TEKTIP1: variants seen among roughly 807,000 people sequenced by gnomAD.
TEKTIP1 encodes tektin bundle-interacting protein 1.
chr19:3,542,346 G>A, the TEKTIP1 span: 11 of 985,298 alleles, frequency 1.1e-5, no homozygotes, highest in East Asian at 1.1e-4. Context: ...CGGGCTTTCC[G>A]TGCAGGGCAG....
the TEKTIP1 span, chr19:3,539,866 T>C: frequency 6.6e-6 from 1 of 152,454 alleles, no homozygotes; most frequent in Non-Finnish European, 1.5e-5. Flanking sequence ...ATACAGTGTC[T>C]ATTATCAATT....
At chr19:3,543,669 G>T in the TEKTIP1 span, 2 of 1,539,628 alleles carry the variant, frequency 1.3e-6, no homozygotes, top group African/African-American at 1.4e-5. Context: ...CCAATCCGGG[G>T]CAAGGAATAC....
chr19:3,541,697 A>G, the TEKTIP1 span: 1 of 985,274 alleles, frequency 1.0e-6, no homozygotes, highest in Non-Finnish European at 1.2e-6. Context: ...AACGGGGGTG[A>G]GTGCATGTAC....
chr19:3,541,777 G>A, the TEKTIP1 span: 1 of 985,336 alleles, frequency 1.0e-6, no homozygotes, highest in Non-Finnish European at 1.2e-6. Context: ...CAGCAGGGGT[G>A]AGGGGCTCAT....
At chr19:3,542,941 T>C in the TEKTIP1 span, 1 of 1,484,782 alleles carries the variant, frequency 6.7e-7, no homozygotes, top group Admixed American at 1.8e-5. Context: ...GCCAGGGCCC[T>C]TGTCCTCTCC....
the TEKTIP1 span, chr19:3,542,310 A>G: frequency 1.1e-5 from 11 of 985,416 alleles, no homozygotes; most frequent in Middle Eastern, 5.2e-4. Flanking sequence ...GGATTTAAGC[A>G]GAGTTCCTGC....
At chr19:3,543,049 T>C in the TEKTIP1 span, 1 of 1,603,800 alleles carries the variant, frequency 6.2e-7, no homozygotes, top group Non-Finnish European at 8.5e-7. Flanking sequence ...GGAGTCAGCC[T>C]CTCTCCTCAA....
chr19:3,541,573 G>A, the TEKTIP1 span: 14 of 787,130 alleles, frequency 1.8e-5, no homozygotes, highest in Non-Finnish European at 2.0e-5. Context: ...CGCCTGCCTC[G>A]GCCTCCCACA....
the TEKTIP1 span, chr19:3,542,572 C>G: frequency 2.5e-6 from 2 of 789,818 alleles, no homozygotes; most frequent in African/African-American, 3.7e-5. Context: ...TTCCTGGGTT[C>G]AAGCGATTCT....
chr19:3,539,250 C>G, the TEKTIP1 span: 1 of 1,549,262 alleles, frequency 6.5e-7, no homozygotes, highest in Non-Finnish European at 8.7e-7. Flanking sequence ...CTTCCCAGCA[C>G]CGCTGTACAG....
the TEKTIP1 span, chr19:3,542,261 GC>G: frequency 1.0e-6 from 1 of 985,378 alleles, no homozygotes; most frequent in Middle Eastern, 5.2e-4. Context: ...AACTGACCAG[GC>G]TACTCCCATG....
chr19:3,542,954 T>A, the TEKTIP1 span: 1 of 1,513,208 alleles, frequency 6.6e-7, no homozygotes, highest in Non-Finnish European at 9.0e-7. Flanking sequence ...TCCTCTCCCC[T>A]CCCTCTTCTC....
the TEKTIP1 span, chr19:3,543,080 G>T: frequency 6.3e-7 from 1 of 1,577,812 alleles, no homozygotes; most frequent in Middle Eastern, 1.7e-4. Flanking sequence ...TGGGGTGAGG[G>T]GTACAGGGCT....
the TEKTIP1 span, among the ~76,000 whole-genome samples, chr19:3,541,247 G>T: frequency 6.6e-6 from 1 of 150,732 alleles, no homozygotes; most frequent in African/African-American, 2.4e-5. Flanking sequence ...GAGGTAGGAG[G>T]ATCGCTTGAG....
chr19:3,543,347 G>A, the TEKTIP1 span: 3 of 1,549,420 alleles, frequency 1.9e-6, no homozygotes, highest in South Asian at 1.2e-5. Flanking sequence ...GTGGTACACA[G>A]GCCTGACCAA....
the TEKTIP1 span, chr19:3,543,180 G>A: frequency 3.9e-5 from 59 of 1,526,240 alleles, no homozygotes; most frequent in East Asian, 1.4e-3. Context: ...TCGCAAAGGG[G>A]TCAAAGCACT....
At chr19:3,543,365 G>A in the TEKTIP1 span, 167 of 1,549,174 alleles carry the variant, frequency 1.1e-4, no homozygotes, top group Middle Eastern at 7.3e-4. Flanking sequence ...CAACTCGGAC[G>A]CCTGGGAAGC....
the TEKTIP1 span, chr19:3,543,843 C>G: frequency 6.5e-7 from 1 of 1,536,200 alleles, no homozygotes; most frequent in Admixed American, 2.0e-5. Context: ...CAACAGGAAC[C>G]GGTACGGGGT....
At chr19:3,542,838 C>T in the TEKTIP1 span, 3 of 1,377,268 alleles carry the variant, frequency 2.2e-6, no homozygotes, top group Admixed American at 1.9e-5. Context: ...CAGACCACTT[C>T]TTCCTGGTGC....
Sources: allele counts gnomAD v4.1 joint callset (sites outside exome capture counted in the v4.1 genomes callset), GRCh38; gene constraint gnomAD v4.1.1; transcripts MANE v1.5; gene names NCBI Gene and HGNC (gene_info 2026-07-23, HGNC 2026-07-21).